PCDH7: variants seen among roughly 807,000 people sequenced by gnomAD.
PCDH7 encodes the protein protocadherin 7.
PCDH7 carries 17 observed loss-of-function variants against 58.9 expected under a neutral mutation model. The ratio of observed to expected loss-of-function variants is 0.29; its 90% CI spans 0.20 to 0.43. The LOEUF (loss-of-function observed/expected upper bound fraction) is 0.43, where lower values mean the gene tolerates loss of function less well. Ranked by LOEUF, PCDH7 falls within the 20% of genes least tolerant of loss-of-function variation. The pLI is 1.00. For missense variants in PCDH7, 1,274 were observed against 1,441.0 expected (o/e 0.88, Z 1.88); for synonymous variants, 664 against 616.4 (o/e 1.08, Z -1.14).
chr4:31,045,908 G>A lies in PCDH7; in HGVS notation c.*7+95693G>A, dbSNP rs529529950. Among the ~76,000 whole-genome samples the A allele has an allele frequency of 2.6e-5, 4 of 152,094 alleles. No homozygotes were observed. The South Asian group carries it at 6.2e-4, about 24-fold the overall frequency. On this transcript the variant is annotated intron_variant, in intron 3 of 3. Transcript: ENST00000509759. ...AATAGGTAGCTGGTGCCAAATTTCA[G>A]TAGCATCCTCCAGAGGGCACTGTCA... is the stretch of plus-strand genomic sequence containing the variant.
chr4:30,780,613 G>A (rs373988210), intron 1 of PCDH7, among the ~76,000 whole-genome samples: 14 of 151,950 alleles, frequency 9.2e-5, no homozygotes, highest in African/African-American at 2.7e-4. Context: ...TGAAGAACAG[G>A]CTCTTCTAGA....
intron 1 of PCDH7, among the ~76,000 whole-genome samples, chr4:30,792,646 A>T (rs1724272547): frequency 6.6e-6 from 1 of 152,140 alleles, no homozygotes; most frequent in Admixed American, 6.5e-5. Context: ...GAGCTCTGAG[A>T]TCAGGTACAG....
At position 30,803,486 on chromosome 4, in the gene PCDH7, G is replaced by A. The variant is rs114463528; in HGVS notation, c.70+78890G>A. Among the ~76,000 whole-genome samples the A allele has an allele frequency of 3.3e-3, 502 of 152,106 alleles. 3 individuals are homozygous for A. The highest frequency in any genetic ancestry group is 0.011 in the African/African-American group (475 of 41,512). On this transcript the variant is annotated intron_variant, in intron 1 of 3. Transcript: ENST00000509759. ...AGGGTCTTGCTCTGTCACCTAAGCA[G>A]GGGTGCAGTGGCATCATTATGGCTC... is the stretch of plus-strand genomic sequence containing the variant.
chr4:31,133,840 T>A (rs890876448), intron 3 of PCDH7, among the ~76,000 whole-genome samples: 1 of 152,200 alleles, frequency 6.6e-6, no homozygotes, highest in African/African-American at 2.4e-5. Flanking sequence ...ATGACAGTGG[T>A]CTAAGCCTAA....
chr4:30,996,071 G>A (rs547167052), intron 3 of PCDH7, among the ~76,000 whole-genome samples: 1 of 152,104 alleles, frequency 6.6e-6, no homozygotes, highest in East Asian at 1.9e-4. Flanking sequence ...TATTCACATC[G>A]AATTAAATAT....
At chr4:30,842,139 A>G (rs1420712227) in intron 1 of PCDH7, among the ~76,000 whole-genome samples, 3 of 152,152 alleles carry the variant, frequency 2.0e-5, no homozygotes, top group Non-Finnish European at 4.4e-5. Flanking sequence ...TGCTCTTAGT[A>G]TCAGTTCCAG....
At chr4:30,823,925 T>C (rs575528131) in intron 1 of PCDH7, among the ~76,000 whole-genome samples, 1 of 152,234 alleles carries the variant, frequency 6.6e-6, no homozygotes, top group East Asian at 1.9e-4. Context: ...GCAAAAGCAG[T>C]TTCCTTTTAT....
At chr4:31,054,270 G>A (rs753677058) in intron 3 of PCDH7, among the ~76,000 whole-genome samples, 11 of 152,220 alleles carry the variant, frequency 7.2e-5, no homozygotes, top group Middle Eastern at 6.8e-3. Context: ...CCGGCCCTTG[G>A]AACAACTTTT....
intron 1 of PCDH7, among the ~76,000 whole-genome samples, chr4:30,757,142 G>A (rs1254679278): frequency 6.6e-6 from 1 of 152,142 alleles, no homozygotes; most frequent in Non-Finnish European, 1.5e-5. Context: ...ATTTTCAAAT[G>A]ACAGTTGGTT....
intron 1 of PCDH7, among the ~76,000 whole-genome samples, chr4:30,769,587 C>T (rs1348250894): frequency 6.6e-6 from 1 of 152,140 alleles, no homozygotes; most frequent in East Asian, 1.9e-4. Context: ...TTAAGATACA[C>T]TCTATCATGC....
intron 3 of PCDH7, among the ~76,000 whole-genome samples, chr4:31,022,164 CTGTT>C (rs374926624): frequency 1.2e-4 from 19 of 152,266 alleles, no homozygotes; most frequent in African/African-American, 4.1e-4. Context: ...GCAGTAGACT[CTGTT>C]TGCAACAGAT....
intron 1 of PCDH7, among the ~76,000 whole-genome samples, chr4:30,892,370 GA>G (rs1738732413): frequency 6.6e-6 from 1 of 151,966 alleles, no homozygotes; most frequent in South Asian, 2.1e-4. Context: ...TGGAGAGATG[GA>G]TTCTCTAAAC....
intron 1 of PCDH7, among the ~76,000 whole-genome samples, chr4:30,744,004 A>G (rs549375555): frequency 4.2e-4 from 64 of 152,256 alleles, no homozygotes; most frequent in Admixed American, 1.8e-3. Flanking sequence ...ATTGTAGGCA[A>G]TCTATCTCCG....
At chr4:30,933,293 G>A (rs1202594903) in intron 2 of PCDH7, among the ~76,000 whole-genome samples, 2 of 152,086 alleles carry the variant, frequency 1.3e-5, no homozygotes, top group African/African-American at 4.8e-5. Flanking sequence ...CCAAAGTGCT[G>A]GGAGTACAGG....
At chr4:31,013,584 A>G (rs1753373867) in intron 3 of PCDH7, among the ~76,000 whole-genome samples, 1 of 127,926 alleles carries the variant, frequency 7.8e-6, no homozygotes, top group Non-Finnish European at 1.6e-5. Context: ...GTCCATATAT[A>G]TATTTTATAC....
At chr4:30,970,077 C>G (rs2109471669) in intron 3 of PCDH7, among the ~76,000 whole-genome samples, 1 of 152,288 alleles carries the variant, frequency 6.6e-6, no homozygotes, top group African/African-American at 2.4e-5. Flanking sequence ...TCCTGGTGGT[C>G]AGACCACAGA....
At chr4:31,030,665 A>G (rs765648918) in intron 3 of PCDH7, among the ~76,000 whole-genome samples, 8 of 152,210 alleles carry the variant, frequency 5.3e-5, no homozygotes, top group Non-Finnish European at 1.5e-5. Flanking sequence ...CTGAAGAGCT[A>G]ATTTGTTTAG....
intron 3 of PCDH7, among the ~76,000 whole-genome samples, chr4:30,995,036 C>T (rs1415234575): frequency 6.6e-6 from 1 of 152,072 alleles, no homozygotes; most frequent in Non-Finnish European, 1.5e-5. Context: ...CATATTGACA[C>T]AATATTTGGA....
intron 1 of PCDH7, among the ~76,000 whole-genome samples, chr4:30,894,800 C>T (rs1739195825): frequency 6.7e-6 from 1 of 150,094 alleles, no homozygotes; most frequent in Non-Finnish European, 1.5e-5. Context: ...TGTGGCTTTG[C>T]CCCTTCTGCT....
Sources: allele counts gnomAD v4.1 joint callset (sites outside exome capture counted in the v4.1 genomes callset), GRCh38; gene constraint gnomAD v4.1.1; transcripts MANE v1.5; gene names NCBI Gene and HGNC (gene_info 2026-07-23, HGNC 2026-07-21).